Variants in FRMD4A observed in about 807,000 individuals in gnomAD.
FRMD4A encodes the protein FERM domain-containing protein 4A.
A neutral mutation model predicts 129.1 loss-of-function variants in FRMD4A; 29 were observed. That is an observed-to-expected ratio of 0.22 (90% confidence interval 0.17 to 0.31). The LOEUF (loss-of-function observed/expected upper bound fraction) is 0.31. FRMD4A is among the 10% of genes least tolerant of loss of function. FRMD4A has a pLI of 1.00. For missense variants in FRMD4A, 1,272 were observed against 1,375.8 expected, an observed-to-expected ratio of 0.92 and a Z score of 1.19; for synonymous variants, 634 against 571.6, an observed-to-expected ratio of 1.11 and a Z score of -1.56.
intron 2 of FRMD4A, among the ~76,000 whole-genome samples, chr10:13,968,325 T>C (rs945091246): frequency 1.3e-5 from 2 of 152,244 alleles, no homozygotes; most frequent in African/African-American, 2.4e-5. Context: ...TTAAAATCGC[T>C]AATAAATAAA....
At chr10:13,914,909 G>A (rs934516961) in intron 2 of FRMD4A, among the ~76,000 whole-genome samples, 99 of 152,130 alleles carry the variant, frequency 6.5e-4, no homozygotes, top group East Asian at 1.9e-4. Context: ...AGCTACTCAC[G>A]AGGCTGAGGC....
chr10:14,044,757 G>A (rs1472813677), intron 2 of FRMD4A, among the ~76,000 whole-genome samples: 2 of 152,212 alleles, frequency 1.3e-5, no homozygotes, highest in Non-Finnish European at 2.9e-5. Flanking sequence ...GTGACATTTT[G>A]TTATGGGAGG....
intron 3 of FRMD4A, among the ~76,000 whole-genome samples, chr10:13,837,401 C>T (rs2093893572): frequency 6.6e-6 from 1 of 152,156 alleles, no homozygotes; most frequent in Non-Finnish European, 1.5e-5. Flanking sequence ...CGAGTGCTGG[C>T]CTCTCCCATG....
intron 3 of FRMD4A, among the ~76,000 whole-genome samples, chr10:13,834,538 T>G (rs79390189): frequency 0.047 from 7,089 of 152,302 alleles, 288 homozygotes; most frequent in African/African-American, 0.095. Flanking sequence ...TATTAATCTC[T>G]GAATAGTCAA....
chr10:13,942,892 C>A (rs546322116), intron 2 of FRMD4A, among the ~76,000 whole-genome samples: 69 of 152,016 alleles, frequency 4.5e-4, no homozygotes, highest in Non-Finnish European at 8.4e-4. Context: ...GAGATTGTGC[C>A]ACTGCACTCT....
chr10:14,261,961 C>T (rs1844818817), intron 2 of FRMD4A, among the ~76,000 whole-genome samples: 2 of 123,742 alleles, frequency 1.6e-5, no homozygotes, highest in South Asian at 4.4e-4. Context: ...CACACACACA[C>T]ACACACACAC....
intron 2 of FRMD4A, among the ~76,000 whole-genome samples, chr10:14,079,599 A>T (rs1835811275): frequency 6.6e-6 from 1 of 152,226 alleles, no homozygotes; most frequent in Non-Finnish European, 1.5e-5. Flanking sequence ...TTTAGGCAAC[A>T]CATTTACCAT....
chr10:13,879,773 CCTT>C (rs2094527132), intron 2 of FRMD4A, among the ~76,000 whole-genome samples: 1 of 121,652 alleles, frequency 8.2e-6, no homozygotes, highest in East Asian at 2.8e-4. Context: ...CCCTCCTTCC[CCTT>C]CTTCCTCCTC....
intron 9 of FRMD4A, chr10:13,744,512 G>A (rs992560205): frequency 3.3e-5 from 5 of 152,204 alleles, no homozygotes; most frequent in Non-Finnish European, 7.3e-5. Flanking sequence ...ACCGTCTCAA[G>A]TAGGTTGGTG....
chr10:14,027,029 T>G (rs752221266), intron 2 of FRMD4A, among the ~76,000 whole-genome samples: 2 of 152,246 alleles, frequency 1.3e-5, no homozygotes, highest in Non-Finnish European at 2.9e-5. Context: ...GATCCAGGCA[T>G]GCAATGCATC....
At chr10:13,753,234 G>A (rs984480055) in intron 8 of FRMD4A, among the ~76,000 whole-genome samples, 10 of 152,148 alleles carry the variant, frequency 6.6e-5, no homozygotes, top group African/African-American at 2.4e-4. Flanking sequence ...GTGAAGCTGA[G>A]GTTACAACAA....
chr10:13,740,405 C>T lies in FRMD4A; in HGVS notation c.614+107G>A, dbSNP rs370207212. ...TTGAAAATTAAATGGAAACATACACCCCCCACTCCCAGATATGTCTTTGGA... is the reference window on the plus strand; with the variant it reads ...TTGAAAATTAAATGGAAACATACACTCCCCACTCCCAGATATGTCTTTGGA... On this transcript the variant is annotated intron_variant, in intron 10 of 24. Coordinates refer to ENST00000357447, the MANE Select transcript of FRMD4A (RefSeq NM_018027.5). 59 of 872,500 alleles carry T rather than the reference C, an allele frequency of 6.8e-5. 1 individual carries two copies. The East Asian group carries it at 8.3e-4, about 12-fold the overall frequency. The allele number at this position is 872,500 out of a possible 1,614,324, so 54.0% of individuals were successfully genotyped here.
intron 2 of FRMD4A, among the ~76,000 whole-genome samples, chr10:14,243,731 A>G (rs1209645548): frequency 2.6e-5 from 4 of 151,982 alleles, no homozygotes; most frequent in Admixed American, 2.6e-4. Context: ...ACTTCTGGAG[A>G]TGGTGGTTGC....
chr10:13,965,327 G>A (rs2095479056), intron 2 of FRMD4A, among the ~76,000 whole-genome samples: 3 of 152,136 alleles, frequency 2.0e-5, no homozygotes, highest in African/African-American at 7.2e-5. Flanking sequence ...GTGGCTAGCA[G>A]AAGAGAAAGA....
intron 2 of FRMD4A, among the ~76,000 whole-genome samples, chr10:13,866,007 G>A (rs750070881): frequency 8.6e-5 from 13 of 151,992 alleles, no homozygotes; most frequent in Admixed American, 7.2e-4. Context: ...TTGCCTACTC[G>A]TTGACATCCC....
intron 5 of FRMD4A, among the ~76,000 whole-genome samples, chr10:13,784,159 G>T (rs895929325): frequency 6.6e-5 from 10 of 152,094 alleles, no homozygotes; most frequent in African/African-American, 2.4e-4. Context: ...AGGTGAGGAA[G>T]GTGAAATGAG....
intron 14 of FRMD4A, among the ~76,000 whole-genome samples, chr10:13,698,634 G>C (rs188887917): frequency 6.6e-6 from 1 of 152,304 alleles, no homozygotes; most frequent in Non-Finnish European, 1.5e-5. Flanking sequence ...GTAAAAGATG[G>C]CACGTATTTC....
intron 2 of FRMD4A, among the ~76,000 whole-genome samples, chr10:13,871,830 C>T (rs1298092390): frequency 6.6e-6 from 1 of 152,216 alleles, no homozygotes; most frequent in African/African-American, 2.4e-5. Context: ...CCTGGGGACC[C>T]AGAGGTCTGA....
intron 2 of FRMD4A, among the ~76,000 whole-genome samples, chr10:14,266,657 A>T (rs1844991299): frequency 6.6e-6 from 1 of 152,228 alleles, no homozygotes; most frequent in Admixed American, 6.5e-5. Context: ...AAGTTTTAAA[A>T]ATGGGAGGAG....
Sources: gnomAD v4.1 joint callset for allele counts (sites outside exome capture counted in the v4.1 genomes callset) on GRCh38, gnomAD v4.1.1 for gene constraint, MANE v1.5 for transcripts, NCBI Gene and HGNC (gene_info 2026-07-23, HGNC 2026-07-21) for gene names.